Variants in MRPL42 observed in about 807,000 individuals in gnomAD.
The protein encoded by MRPL42 is large ribosomal subunit protein mL42.
Under a neutral mutation model 17.9 loss-of-function variants are expected in MRPL42, and 17 were observed. That is an observed-to-expected ratio of 0.95 (90% CI 0.65 to 1.42). The LOEUF (loss-of-function observed/expected upper bound fraction) is 1.42, where lower values mean the gene tolerates loss of function less well. Ranked by LOEUF, MRPL42 falls within the 40% of genes most tolerant of loss-of-function variation. The probability of loss-of-function intolerance (pLI) is 0.00; values close to 1 mark genes in which losing one functional copy is unlikely to be tolerated. For missense variants in MRPL42, 177 were observed against 175.2 expected, an observed-to-expected ratio of 1.01 and a Z score of -0.06; for synonymous variants, 59 against 54.4, an observed-to-expected ratio of 1.08 and a Z score of -0.37.
At chr12:93,483,596 C>T (rs1461077852) in intron 4 of MRPL42, among the ~76,000 whole-genome samples, 2 of 151,950 alleles carry the variant, frequency 1.3e-5, no homozygotes, top group Non-Finnish European at 2.9e-5. Context: ...GGTACTTAAC[C>T]AAAAATGGAG....
Position 93,472,635 on chromosome 12 carries a change from A to G in MRPL42, c.70+3280A>G, listed in dbSNP as rs142872334. Among the ~76,000 whole-genome samples, 114 of 152,310 alleles carry G rather than the reference A, an allele frequency of 7.5e-4. 1 individual carries two copies. The highest frequency in any genetic ancestry group is 2.6e-3 in the African/African-American group (106 of 41,566). On this transcript the variant is annotated intron_variant, in intron 2 of 5. Transcript: ENST00000549982. ...ATTACTGTTATTATTGATGTTTAAT[A>G]AAAAAGGGAAGGACAGTAAGATTGG...
chr12:93,496,061 GTT>G (rs1215444160), intron 5 of MRPL42, among the ~76,000 whole-genome samples: 1 of 152,034 alleles, frequency 6.6e-6, no homozygotes, highest in African/African-American at 2.4e-5. Context: ...TGGGTTTTTT[GTT>G]TTTGTTTTTG....
chr12:93,479,940 T>C (rs1037279713), intron 4 of MRPL42, among the ~76,000 whole-genome samples: 12 of 151,834 alleles, frequency 7.9e-5, no homozygotes, highest in Non-Finnish European at 1.5e-4. Context: ...AACATAGGTA[T>C]ATATTTTGAA....
chr12:93,497,417 T>C (rs1314439468), intron 5 of MRPL42, among the ~76,000 whole-genome samples: 1 of 152,180 alleles, frequency 6.6e-6, no homozygotes, highest in Non-Finnish European at 1.5e-5. Context: ...GATGCAAGGC[T>C]GATTCAAGAT....
chr12:93,479,310 T>C (rs1305941497), intron 3 of MRPL42, 78 bp from the exon 4 acceptor site: 8 of 818,768 alleles, frequency 9.8e-6, no homozygotes, highest in African/African-American at 3.0e-5. Context: ...TGAGAGTCCA[T>C]CTCAAAAAAA....
intron 2 of MRPL42, among the ~76,000 whole-genome samples, chr12:93,476,747 A>G (rs1053259087): frequency 2.6e-5 from 4 of 152,092 alleles, no homozygotes; most frequent in Admixed American, 2.6e-4. Flanking sequence ...CTATGTTGTA[A>G]TTGTTTGTCT....
At chr12:93,475,206 C>G (rs544839308) in intron 2 of MRPL42, among the ~76,000 whole-genome samples, 1 of 152,090 alleles carries the variant, frequency 6.6e-6, no homozygotes, top group East Asian at 1.9e-4. Flanking sequence ...CTTCTGCCTC[C>G]CGGGTTCAAG....
chr12:93,511,611 G>A lies in MRPL42; in HGVS notation c.*10390G>A, dbSNP rs1431333791. ...TAATAAATTACCTTTTCTTGCAATT[G>A]GTTTGATGTACCATTAATATATAGA... On this transcript the variant is annotated 3_prime_UTR_variant, in exon 6 of 6. Transcript: ENST00000549982. The A allele has an allele frequency of 2.0e-5, 3 of 151,996 alleles. No homozygotes were observed. The highest frequency in any genetic ancestry group is 4.4e-5 in the Non-Finnish European group (3 of 67,992). The allele number at this position is 151,996 out of a possible 1,614,324, so 9.4% of individuals were successfully genotyped here.
rs1430228713 is a variant in MRPL42 at position 93,501,228 on chromosome 12, G to A, written c.*7G>A. ...TCCTCCAAAAGACAGATGATGCGGAGGTTCCTGGGGGAATCAAAGAGAAAT... is the reference window on the plus strand; with the variant it reads ...TCCTCCAAAAGACAGATGATGCGGAAGTTCCTGGGGGAATCAAAGAGAAAT... On this transcript the variant is annotated 3_prime_UTR_variant, in exon 6 of 6. Transcript: ENST00000549982. The A allele has an allele frequency of 6.3e-7, 1 of 1,595,124 alleles. No homozygotes were observed. Among genetic ancestry groups the A allele is most frequent in the Middle Eastern group, 2.1e-4 (1 of 4,742 alleles).
At chr12:93,486,118 CA>C (rs1157051592) in intron 4 of MRPL42, among the ~76,000 whole-genome samples, 3 of 152,130 alleles carry the variant, frequency 2.0e-5, no homozygotes, top group Non-Finnish European at 4.4e-5. Flanking sequence ...ATGTGAGCCA[CA>C]TAGCTGGCCA....
rs1360685892 is a variant in MRPL42 at position 93,512,944 on chromosome 12, A to G, written c.*11723A>G. ...TTGAAAATACCACACCACTTGCTTCATTTTGGATAAAAGTTAAAAGTGAAT... is the reference window on the plus strand; with the variant it reads ...TTGAAAATACCACACCACTTGCTTCGTTTTGGATAAAAGTTAAAAGTGAAT... On this transcript the variant is annotated 3_prime_UTR_variant, in exon 6 of 6. Transcript: ENST00000549982. 1.3e-5 allele frequency: 2 copies of G among 152,234 alleles called. No individual in the cohort carries two copies. The highest frequency in any genetic ancestry group is 2.9e-5 in the Non-Finnish European group (2 of 68,040). The allele number at this position is 152,234 out of a possible 1,614,324, so 9.4% of individuals were successfully genotyped here. A position where few individuals can be genotyped will look rare whatever the true frequency, so the allele number is the denominator to read the frequency against.
At chr12:93,478,279 G>A (rs962275087) in intron 3 of MRPL42, among the ~76,000 whole-genome samples, 3 of 151,110 alleles carry the variant, frequency 2.0e-5, no homozygotes, top group Non-Finnish European at 4.4e-5. Flanking sequence ...ACAGGGTCTC[G>A]CTTTGTCACC....
intron 4 of MRPL42, among the ~76,000 whole-genome samples, chr12:93,485,296 G>A (rs1365227271): frequency 1.3e-5 from 2 of 150,976 alleles, no homozygotes; most frequent in Non-Finnish European, 2.9e-5. Flanking sequence ...CTGAGTAGCC[G>A]GGACTGCAGG....
At chr12:93,484,124 A>G (rs1046168717) in intron 4 of MRPL42, among the ~76,000 whole-genome samples, 2 of 152,204 alleles carry the variant, frequency 1.3e-5, no homozygotes, top group East Asian at 3.8e-4. Flanking sequence ...GGCTTGCCTG[A>G]GGCTGTTTTA....
chr12:93,478,179 C>A (rs1157240291), intron 3 of MRPL42, among the ~76,000 whole-genome samples: 2 of 152,042 alleles, frequency 1.3e-5, no homozygotes, highest in African/African-American at 4.8e-5. Context: ...TGGTCTTAAA[C>A]TCCTGAGCTC....
chr12:93,505,658 G>A lies in MRPL42; in HGVS notation c.*4437G>A, dbSNP rs1262765798. ...TTGTGAATGTGAGAATATTTTGAAT[G>A]CACTGGGAAGGAATACTCAGGAACA... On this transcript the variant is annotated 3_prime_UTR_variant, in exon 6 of 6. Coordinates refer to ENST00000549982, the MANE Select transcript of MRPL42 (RefSeq NM_014050.4). 1 of 152,162 alleles carries A rather than the reference G, an allele frequency of 6.6e-6. No homozygotes were observed. Among genetic ancestry groups the A allele is most frequent in the Non-Finnish European group, 1.5e-5 (1 of 68,030 alleles). 9.4% of individuals were successfully genotyped at this position (152,162 alleles called of 1,614,324 possible).
intron 4 of MRPL42, among the ~76,000 whole-genome samples, chr12:93,487,021 G>A (rs960945027): frequency 1.3e-5 from 2 of 151,952 alleles, no homozygotes; most frequent in African/African-American, 4.8e-5. Flanking sequence ...CCAGGCTGGA[G>A]CACAGTAGTG....
chr12:93,484,979 CATATATATATATATATAT>C (rs4020795), intron 4 of MRPL42, among the ~76,000 whole-genome samples: 535 of 22,470 alleles, frequency 0.024, 56 homozygotes, highest in African/African-American at 0.051. Flanking sequence ...CACACACACA[CATATATATATATATATAT>C]ATATATATAT....
chr12:93,471,582 T>G (rs1293090905), intron 2 of MRPL42, among the ~76,000 whole-genome samples: 1 of 152,162 alleles, frequency 6.6e-6, no homozygotes, highest in Admixed American at 6.6e-5. Flanking sequence ...ATTATAGGCA[T>G]GAGCCACCGC....
Sources: gnomAD v4.1 joint callset for allele counts (sites outside exome capture counted in the v4.1 genomes callset) on GRCh38, gnomAD v4.1.1 for gene constraint, MANE v1.5 for transcripts, NCBI Gene and HGNC (gene_info 2026-07-23, HGNC 2026-07-21) for gene names.